The following RNASEH2B variants were observed in gnomAD, a reference collection of about 807,000 sequenced individuals.
The protein encoded by RNASEH2B is ribonuclease H2 subunit B.
Under a neutral mutation model 45.0 loss-of-function variants are expected in RNASEH2B, and 36 were observed. The ratio of observed to expected loss-of-function variants is 0.80; its 90% CI spans 0.61 to 1.06. RNASEH2B has a LOEUF of 1.06. Among genes scored for constraint, RNASEH2B ranks in the 50% least tolerant of loss-of-function variants. The pLI, the probability that RNASEH2B is intolerant of heterozygous loss-of-function variation, is 0.00. For missense variants in RNASEH2B, 361 were observed against 360.3 expected, an observed-to-expected ratio of 1.00 and a Z score of -0.02; for synonymous variants, 119 against 125.7, an observed-to-expected ratio of 0.95 and a Z score of 0.35.
intron 1 of RNASEH2B, chr13:50,921,378 C>G (rs1025955071): frequency 3.9e-5 from 6 of 152,140 alleles, no homozygotes; most frequent in African/African-American, 1.4e-4. Flanking sequence ...TCTTTCTTTT[C>G]TAATTCTTTC....
At chr13:50,923,825 G>A (rs1466720559) in intron 1 of RNASEH2B, among the ~76,000 whole-genome samples, 2 of 152,118 alleles carry the variant, frequency 1.3e-5, no homozygotes, top group Non-Finnish European at 2.9e-5. Context: ...ACTACATAGA[G>A]CAATAATTAT....
chr13:50,951,358 G>A (rs1209671807), intron 9 of RNASEH2B: 1 of 152,218 alleles, frequency 6.6e-6, no homozygotes, highest in Non-Finnish European at 1.5e-5. Context: ...ATATATTCCA[G>A]TAGTCATTAG....
intron 1 of RNASEH2B, among the ~76,000 whole-genome samples, chr13:50,921,647 T>C (rs1951525544): frequency 6.6e-6 from 1 of 152,218 alleles, no homozygotes; most frequent in Admixed American, 6.5e-5. Context: ...ATCAGAAATA[T>C]TATAGTAAAT....
exon 10 of RNASEH2B, chr13:50,970,430 G>T: frequency 4.3e-6 from 1 of 232,358 alleles, no homozygotes; most frequent in Non-Finnish European, 8.2e-6. Flanking sequence ...TATCTCTCCA[G>T]GAGTTATTAA....
At chr13:50,917,562 C>T (rs1263332140) in intron 1 of RNASEH2B, among the ~76,000 whole-genome samples, 1 of 152,180 alleles carries the variant, frequency 6.6e-6, no homozygotes, top group East Asian at 1.9e-4. Context: ...ATTTGACCCT[C>T]TTGATGACCT....
At chr13:50,946,075 G>A (rs917420709) in intron 7 of RNASEH2B, among the ~76,000 whole-genome samples, 3 of 152,126 alleles carry the variant, frequency 2.0e-5, no homozygotes, top group African/African-American at 7.2e-5. Flanking sequence ...TCCTGATACA[G>A]GGATCAATAT....
At chr13:50,935,288 C>T (rs1315600156) in intron 5 of RNASEH2B, 4 of 419,944 alleles carry the variant, frequency 9.5e-6, no homozygotes, top group Non-Finnish European at 1.3e-5. Flanking sequence ...TCAGGCAAGT[C>T]ACTCAGCTGC....
intron 1 of RNASEH2B, among the ~76,000 whole-genome samples, chr13:50,915,685 C>T (rs192666097): frequency 1.1e-4 from 17 of 152,346 alleles, no homozygotes; most frequent in Admixed American, 7.8e-4. Context: ...GAGCATGTCA[C>T]GTAGGATTTC....
At chr13:50,912,602 A>T (rs1879485384) in intron 1 of RNASEH2B, 1 of 152,258 alleles carries the variant, frequency 6.6e-6, no homozygotes, top group Non-Finnish European at 1.5e-5. Context: ...AAGATGAGAA[A>T]TCAGCCTGCT....
downstream of RNASEH2B, among the ~76,000 whole-genome samples, chr13:50,957,223 G>A (rs1254227045): frequency 1.3e-5 from 2 of 151,778 alleles, no homozygotes; most frequent in South Asian, 2.1e-4. Flanking sequence ...GTACCCAATG[G>A]GTAATTTTTC....
intron 9 of RNASEH2B, chr13:50,950,168 C>G (rs981809311): frequency 3.9e-5 from 6 of 152,258 alleles, no homozygotes; most frequent in African/African-American, 1.4e-4. Context: ...AAACTCTGCT[C>G]CAAGACAGGG....
chr13:50,960,149 G>T (rs959356406), downstream of RNASEH2B: 1 of 1,147,188 alleles, frequency 8.7e-7, no homozygotes, highest in East Asian at 3.2e-5. Flanking sequence ...TTCCAGCTAG[G>T]TCTACCAACT....
At chr13:50,966,314 T>C (rs1952164257) in intron 9 of RNASEH2B, among the ~76,000 whole-genome samples, 1 of 152,240 alleles carries the variant, frequency 6.6e-6, no homozygotes, top group South Asian at 2.1e-4. Flanking sequence ...AATTTCAGAC[T>C]AGAGCCTTTT....
chr13:50,929,540 GA>G lies in RNASEH2B; in HGVS notation c.207del (p.Lys69AsnfsTer7). The G allele has an allele frequency of 6.2e-7, 1 of 1,613,420 alleles. No individual in the cohort carries two copies. The highest frequency in any genetic ancestry group is 8.5e-7 in the Non-Finnish European group (1 of 1,179,454). On this transcript the variant is annotated frameshift_variant, in exon 3 of 11. Coordinates refer to ENST00000336617, the MANE Select transcript of RNASEH2B (RefSeq NM_024570.4). LOFTEE classifies it high-confidence loss of function. ...QQLFEVKVFK[E>X]KHHSWFINQS... ...GCTGTTTGAAGTAAAAGTTTTCAAGGAAAAACACCATTCTTGGTTTATAAAT... is the reference window on the plus strand; with the variant it reads ...GCTGTTTGAAGTAAAAGTTTTCAAGGAAAACACCATTCTTGGTTTATAAAT...
At chr13:50,947,962 TCA>T in intron 7 of RNASEH2B, 23 bp from the exon 8 acceptor site, 1 of 1,607,024 alleles carries the variant, frequency 6.2e-7, no homozygotes, top group Admixed American at 1.7e-5. Flanking sequence ...TTTTTTGCTT[TCA>T]CTCCTCCTTC....
At chr13:50,921,282 CA>C (rs1177124643) in intron 1 of RNASEH2B, 2 of 152,112 alleles carry the variant, frequency 1.3e-5, no homozygotes, top group Admixed American at 6.5e-5. Context: ...ATTCTGGGTC[CA>C]ATGTTCTTTC....
Position 50,945,456 on chromosome 13 carries a change from C to T in RNASEH2B, c.540C>T (p.Thr180=). 1 of 1,613,526 alleles carries T rather than the reference C, an allele frequency of 6.2e-7. No individual in the cohort carries two copies. Among genetic ancestry groups the T allele is most frequent in the East Asian group, 2.2e-5 (1 of 44,866 alleles). ...ATCAAACTGTGGCAGCATTAAAAAC[C>T]AATAATGTGAATGTCAGTTCCCGGG... ...KVNQTVAALK[T]NNVNVSSRVQ... is the part of the protein sequence containing the mutation. The change falls in exon 7 of 11, where the codon ACC becomes ACT. Residue 180 remains threonine (T), a synonymous_variant. Transcript: ENST00000336617.
downstream of RNASEH2B, among the ~76,000 whole-genome samples, chr13:50,958,026 T>G (rs1952073010): frequency 6.6e-6 from 1 of 151,944 alleles, no homozygotes; most frequent in Admixed American, 6.6e-5. Flanking sequence ...GCATAGTTTC[T>G]CTCACTCTAG....
At chr13:50,913,058 C>T (rs1879516196) in intron 1 of RNASEH2B, 1 of 152,186 alleles carries the variant, frequency 6.6e-6, no homozygotes, top group Non-Finnish European at 1.5e-5. Flanking sequence ...GGAAGAGATA[C>T]TGTGAGATAT....
Sources: gnomAD v4.1 joint callset for allele counts (sites outside exome capture counted in the v4.1 genomes callset) on GRCh38, gnomAD v4.1.1 for gene constraint, MANE v1.5 for transcripts, NCBI Gene and HGNC (gene_info 2026-07-23, HGNC 2026-07-21) for gene names.